Variants in MYH14 observed in about 807,000 individuals in gnomAD.
MYH14 encodes the protein myosin heavy chain 14.
Under a neutral mutation model 255.5 loss-of-function variants are expected in MYH14, and 123 were observed. The observed-to-expected ratio is 0.48, with a 90% CI of 0.42 to 0.56. The LOEUF (loss-of-function observed/expected upper bound fraction) is 0.56, where lower values mean the gene tolerates loss of function less well. Among genes scored for constraint, MYH14 ranks in the 20% least tolerant of loss-of-function variants. The pLI, the probability that MYH14 is intolerant of heterozygous loss-of-function variation, is 0.00. For synonymous variants in MYH14, 1,095 were observed against 1,161.2 expected (o/e 0.94, Z 1.16); for missense variants, 2,423 against 2,802.3 (o/e 0.86, Z 3.06).
At chr19:50,274,548 G>T (rs1421215979) in intron 27 of MYH14, among the ~76,000 whole-genome samples, 1 of 152,158 alleles carries the variant, frequency 6.6e-6, no homozygotes, top group Non-Finnish European at 1.5e-5. Flanking sequence ...ACCTGCCTTG[G>T]CCTCCCAAAG....
At chr19:50,279,225 G>A (rs1358857893) in intron 30 of MYH14, among the ~76,000 whole-genome samples, 2 of 152,060 alleles carry the variant, frequency 1.3e-5, no homozygotes, top group Non-Finnish European at 2.9e-5. Context: ...TATATAAATG[G>A]AATCCTACTA....
In MYH14 at chr19:50,280,533, C is replaced by A; in HGVS notation, c.4290+150C>A. ...TCATCTCTGACTCCCCCTTACCCCCCACAGCCCATGCCCAGCCCTGGCTGT... is the reference window on the plus strand; with the variant it reads ...TCATCTCTGACTCCCCCTTACCCCCAACAGCCCATGCCCAGCCCTGGCTGT... On this transcript the variant is annotated intron_variant, in intron 32 of 42. Transcript: ENST00000642316. This position sits in a 1 kb window ranked among gnomAD's most constrained non-coding sequence, Gnocchi z 4.8. The A allele has an allele frequency of 4.8e-6, 4 of 837,096 alleles. No homozygotes were observed. Among genetic ancestry groups the A allele is most frequent in the Admixed American group, 2.9e-5 (1 of 34,252 alleles). 51.9% of individuals were successfully genotyped at this position (837,096 alleles called of 1,614,324 possible). A position where few individuals can be genotyped will look rare whatever the true frequency, so the allele number is the denominator to read the frequency against.
intron 18 of MYH14, 76 bp downstream of exon 18, chr19:50,257,562 C>G (rs1469161972): frequency 7.1e-7 from 1 of 1,415,346 alleles, no homozygotes; most frequent in African/African-American, 1.4e-5. Context: ...TTGGCTGGAG[C>G]CACATCTGAT....
chr19:50,290,926 C>G lies in MYH14; in HGVS notation c.5005C>G (p.Gln1669Glu). 1.9e-6 allele frequency: 3 copies of G among 1,583,010 alleles called. No homozygotes were observed. Among genetic ancestry groups the G allele is most frequent in the Non-Finnish European group, 2.6e-6 (3 of 1,165,454 alleles). Residue 1669 changes from glutamine to glutamate, a missense_variant, in exon 36 of 43, where the codon CAG becomes GAG. Physicochemically the swap from Gln to Glu is conservative, Grantham distance 29. This residue lies in a region of MYH14 where 1,513 missense variants were observed against 1,674.8 expected (regional missense o/e 0.90). Transcript: ENST00000642316. ...GGTGGAGCGGGATGAGGAGCGGAAG[C>G]AGCGCACTCTGGCCGTGGCTGCCCG... ...AEVERDEERK[Q>E]RTLAVAARKK... is the part of the protein sequence containing the mutation.
chr19:50,246,866 ACTCGTAATGC>A lies in MYH14; in HGVS notation c.1211-134_1211-125del, dbSNP rs998142701. 7 of 616,320 alleles carry A rather than the reference ACTCGTAATGC, an allele frequency of 1.1e-5. No homozygotes were observed. The African/African-American group carries it at 1.3e-4, about 11-fold the overall frequency. 38.2% of individuals were successfully genotyped at this position (616,320 alleles called of 1,614,324 possible). ...GGCAGAGAATGTACACACTTTTGGG[ACTCGTAATGC>A]CTCTCCTGGGAAAGGCGGGGCCCGT... On this transcript the variant is annotated intron_variant, in intron 11 of 42. Transcript: ENST00000642316.
intron 11 of MYH14, among the ~76,000 whole-genome samples, chr19:50,245,537 G>GTGTCTCTCTGGGCTT (rs1457263499): frequency 2.0e-5 from 3 of 152,122 alleles, no homozygotes; most frequent in Non-Finnish European, 4.4e-5. Context: ...ATTTTGGGAT[G>GTGTCTCTCTGGGCTT]TGTCTCTCTG....
intron 18 of MYH14, chr19:50,258,761 C>A (rs2434829): frequency 0.56 from 81,505 of 144,734 alleles, 23,204 homozygotes; most frequent in East Asian, 0.7. Flanking sequence ...AACAAACAAA[C>A]AAAAACCAAA....
At chr19:50,278,900 A>G (rs1178370434) in intron 30 of MYH14, among the ~76,000 whole-genome samples, 2 of 151,786 alleles carry the variant, frequency 1.3e-5, no homozygotes, top group African/African-American at 4.8e-5. Context: ...AGGCAGGAGA[A>G]TCACTTGAAC....
intron 10 of MYH14, 123 bp from the exon 11 acceptor site, chr19:50,244,118 AT>A: frequency 1.3e-6 from 1 of 772,056 alleles, no homozygotes; most frequent in Non-Finnish European, 2.2e-6. Context: ...CCACAAGTAG[AT>A]TTTAAGCTGA....
At chr19:50,249,911 G>C in intron 14 of MYH14, 88 bp downstream of exon 14, 1 of 1,527,080 alleles carries the variant, frequency 6.5e-7, no homozygotes. Context: ...CTCCTCCTCT[G>C]CTGGGCCTCA....
At chr19:50,208,376 C>T (rs2031946928) in intron 1 of MYH14, among the ~76,000 whole-genome samples, 1 of 152,136 alleles carries the variant, frequency 6.6e-6, no homozygotes, top group Admixed American at 6.5e-5. Context: ...GATCAAGCCA[C>T]TGCACTCCAG....
In MYH14 at chr19:50,309,166, G is replaced by T; in HGVS notation, c.5949G>T (p.Arg1983Ser). 6.2e-7 allele frequency: 1 copy of T among 1,613,814 alleles called. No individual in the cohort carries two copies. Among genetic ancestry groups the T allele is most frequent in the Non-Finnish European group, 8.5e-7 (1 of 1,179,788 alleles). The change falls in exon 42 of 43, where the codon AGG (arginine) becomes AGT (serine). Residue 1983 changes from arginine (R) to serine (S), a missense_variant. Arg to Ser is a moderately radical substitution (Grantham distance 110). This residue lies in a region of MYH14 where 1,513 missense variants were observed against 1,674.8 expected (regional missense o/e 0.90). Transcript: ENST00000642316. Reference sequence around the variant, plus strand: ...TGAACCGTGAAGTGACCACACTGAGGAACCGGCTTCGGTATGGTCATCCCA... The same window carrying T: ...TGAACCGTGAAGTGACCACACTGAGTAACCGGCTTCGGTATGGTCATCCCA... ...ESMNREVTTL[R>S]NRLRRGPLTF...
chr19:50,241,782 A>G (rs1049332662), intron 10 of MYH14, among the ~76,000 whole-genome samples: 1 of 152,034 alleles, frequency 6.6e-6, no homozygotes, highest in African/African-American at 2.4e-5. Flanking sequence ...AGCTGGGACC[A>G]CAGGCATCCA....
intron 22 of MYH14, among the ~76,000 whole-genome samples, chr19:50,265,543 A>C (rs1475125847): frequency 6.6e-6 from 1 of 151,926 alleles, no homozygotes; most frequent in Non-Finnish European, 1.5e-5. Context: ...AAAACTGGCC[A>C]GGCACGGAGG....
Position 50,290,833 on chromosome 19 carries a change from G to T in MYH14, c.4966-54G>T, listed in dbSNP as rs566741311. The T allele has an allele frequency of 6.6e-6, 10 of 1,526,266 alleles. 1 individual carries two copies. In the South Asian group the frequency reaches 1.2e-4, roughly 19 times the overall value. 94.5% of individuals were successfully genotyped at this position (1,526,266 alleles called of 1,614,324 possible). On this transcript the variant is annotated intron_variant, in intron 35 of 42. Coordinates refer to ENST00000642316, the MANE Select transcript of MYH14 (RefSeq NM_001145809.2). Reference sequence around the variant, plus strand: ...CAGACATCCATGTCCCTAGCACACAGAGGGAGGCTGGGCTTCCTGTGTCTG... The same window carrying T: ...CAGACATCCATGTCCCTAGCACACATAGGGAGGCTGGGCTTCCTGTGTCTG...
intron 2 of MYH14, among the ~76,000 whole-genome samples, chr19:50,214,087 ACTG>A (rs1347756758): frequency 1.3e-5 from 2 of 152,122 alleles, no homozygotes; most frequent in African/African-American, 4.8e-5. Flanking sequence ...GGCCTCTCAA[ACTG>A]CTGGATTTAC....
At chr19:50,268,445 G>T in intron 24 of MYH14, 78 bp downstream of exon 24, 1 of 1,427,258 alleles carries the variant, frequency 7.0e-7, no homozygotes, top group Non-Finnish European at 9.5e-7. Context: ...TCTACAAACC[G>T]TGTGTCTTTG....
In MYH14 at chr19:50,252,856, A is replaced by G. The variant is rs892486479; in HGVS notation, c.1945+103A>G. The G allele has an allele frequency of 4.1e-5, 31 of 756,042 alleles. No individual in the cohort carries two copies. Among genetic ancestry groups the G allele is most frequent in the Non-Finnish European group, 6.3e-5 (29 of 462,442 alleles). 46.8% of individuals were successfully genotyped at this position (756,042 alleles called of 1,614,324 possible). ...TTTCAGAGGCGGAGGTCTGAACCTG[A>G]GTTTTCTGCTCAGACCCAGAATAGC... On this transcript the variant is annotated intron_variant, in intron 16 of 42. Coordinates refer to ENST00000642316, the MANE Select transcript of MYH14 (RefSeq NM_001145809.2). This position sits in a 1 kb window ranked among gnomAD's most constrained non-coding sequence, Gnocchi z 4.2.
rs768597385 is a variant in MYH14 at position 50,290,880 on chromosome 19, TC to T, written c.4966-6del. ...TCTGACCCGGTCCCTCCTGACCTCC[TC>T]TCCAGCTGAGAGATGCAGAGGTGGA... On this transcript the variant is annotated splice_polypyrimidine_tract_variant and splice_region_variant and intron_variant, in intron 35 of 42. Coordinates refer to ENST00000642316, the MANE Select transcript of MYH14 (RefSeq NM_001145809.2). The T allele has an allele frequency of 1.0e-5, 16 of 1,552,916 alleles. No individual in the cohort carries two copies. The highest frequency in any genetic ancestry group is 1.3e-5 in the Non-Finnish European group (15 of 1,149,032).
Sources: gnomAD v4.1 joint callset for allele counts (sites outside exome capture counted in the v4.1 genomes callset) on GRCh38, gnomAD v4.1.1 for gene constraint, gnomAD v4.1.1 regional missense constraint, Gnocchi (gnomAD v3.1) non-coding constraint, MANE v1.5 for transcripts, NCBI Gene and HGNC (gene_info 2026-07-23, HGNC 2026-07-21) for gene names.